PPP1R3A: variants seen among roughly 807,000 people sequenced by gnomAD.
PPP1R3A encodes RG1.
PPP1R3A carries 29 observed loss-of-function variants against 41.7 expected under a neutral mutation model. The observed-to-expected ratio is 0.70, with a 90% CI of 0.52 to 0.95. The LOEUF is 0.95. Among genes scored for constraint, PPP1R3A ranks in the 40% least tolerant of loss-of-function variants. PPP1R3A has a pLI of 0.00. For synonymous variants in PPP1R3A, 485 were observed against 453.4 expected (o/e 1.07, Z -0.89); for missense variants, 1,352 against 1,292.4 (o/e 1.05, Z -0.71).
At position 113,918,593 on chromosome 7, in the gene PPP1R3A, G is replaced by T. The variant is rs1443133963; in HGVS notation, c.404C>A (p.Ser135Tyr). The T allele has an allele frequency of 1.7e-5, 27 of 1,613,394 alleles. No individual in the cohort carries two copies. The highest frequency in any genetic ancestry group is 2.3e-5 in the Non-Finnish European group (27 of 1,179,704). The part of the protein sequence containing the change: ...IQKAILESTE[S>Y]LLGSTSIKGI... ...CTTGATACTTGTAGACCCAAGAAGA[G>T]ACTCAGTTGACTCCAGTATTGCTTT... Residue 135 changes from serine to tyrosine, a missense_variant, in exon 1 of 4, where the codon TCT becomes TAT. Ser to Tyr is a moderately radical substitution (Grantham distance 144). Transcript: ENST00000284601.
Position 113,878,433 on chromosome 7 carries a change from C to G in PPP1R3A, c.2659G>C (p.Glu887Gln). 6.2e-7 allele frequency: 1 copy of G among 1,611,988 alleles called. No individual in the cohort carries two copies. The highest frequency in any genetic ancestry group is 8.5e-7 in the Non-Finnish European group (1 of 1,179,620). Residue 887 changes from glutamate (E) to glutamine (Q), a missense_variant, in exon 4 of 4, where the codon GAA (glutamate) becomes CAA (glutamine). Physicochemically the swap from Glu to Gln is conservative, Grantham distance 29. Transcript: ENST00000284601. The stretch of plus-strand genomic sequence containing the variant: ...TCCGAGTCTGTTTTCTTTGATAATT[C>G]TTGAACCTGCCTAAGATCTCTGTTT... ...SENRDLRQVQ[E>Q]LSKKTDSDAI...
chr7:113,890,986 A>G (rs909644035), intron 1 of PPP1R3A, among the ~76,000 whole-genome samples: 1 of 151,136 alleles, frequency 6.6e-6, no homozygotes, highest in African/African-American at 2.4e-5. Context: ...CAGAAGTCAT[A>G]CCAACCAACT....
At chr7:113,914,328 A>T (rs1797303964) in intron 1 of PPP1R3A, among the ~76,000 whole-genome samples, 1 of 152,088 alleles carries the variant, frequency 6.6e-6, no homozygotes, top group African/African-American at 2.4e-5. Flanking sequence ...ACTTTACTGA[A>T]ATTAATATGC....
Position 113,878,682 on chromosome 7 carries a change from C to A in PPP1R3A, c.2410G>T (p.Glu804Ter). ...ACATTACAAATACCTAAACGTGATTCCTTTTCAAAATCATTGTCATAGATT... is the reference window on the plus strand; with the variant it reads ...ACATTACAAATACCTAAACGTGATTACTTTTCAAAATCATTGTCATAGATT... ...GVIYDNDFEKESRLGICNVRV... is the reference protein window; with the variant it reads ...GVIYDNDFEK Residue 804 changes from glutamate to a stop codon, truncating the protein, a stop_gained, in exon 4 of 4, where the codon GAA (glutamate) becomes TAA (stop). Coordinates refer to ENST00000284601, the MANE Select transcript of PPP1R3A (RefSeq NM_002711.4). LOFTEE classifies it low-confidence loss of function (END_TRUNC). 5 of 1,613,368 alleles carry A rather than the reference C, an allele frequency of 3.1e-6. No homozygotes were observed. The highest frequency in any genetic ancestry group is 1.3e-5 in the African/African-American group (1 of 74,970).
Position 113,880,053 on chromosome 7 carries a change from C to T in PPP1R3A, c.1039G>A (p.Val347Ile), listed in dbSNP as rs752224708. Reference sequence around the variant, plus strand: ...CCCTCTGCTTTATTTGGAAAATTGACTGGATCTGTTGAAAATGTATTCCTT... The same window carrying T: ...CCCTCTGCTTTATTTGGAAAATTGATTGGATCTGTTGAAAATGTATTCCTT... ...DERNTFSTDPVNFPNKAEGLE... is the reference protein window; with the variant it reads ...DERNTFSTDPINFPNKAEGLE... The change falls in exon 4 of 4, where the codon GTC becomes ATC. Residue 347 changes from valine (V) to isoleucine (I), a missense_variant. Coordinates refer to ENST00000284601, the MANE Select transcript of PPP1R3A (RefSeq NM_002711.4). The T allele has an allele frequency of 5.0e-6, 8 of 1,610,544 alleles. No homozygotes were observed. In the African/African-American group the frequency reaches 5.4e-5, roughly 11 times the overall value.
intron 1 of PPP1R3A, among the ~76,000 whole-genome samples, chr7:113,914,178 C>T (rs908459870): frequency 5.3e-5 from 8 of 152,080 alleles, no homozygotes; most frequent in Non-Finnish European, 1.2e-4. Flanking sequence ...GTCTAACATG[C>T]TATATTAAAA....
At chr7:113,893,576 A>C (rs1208609974) in intron 1 of PPP1R3A, among the ~76,000 whole-genome samples, 2 of 152,044 alleles carry the variant, frequency 1.3e-5, no homozygotes, top group Non-Finnish European at 2.9e-5. Context: ...CTATTATATA[A>C]GCTAATTTAT....
chr7:113,883,420 T>C (rs1796727998), intron 1 of PPP1R3A, among the ~76,000 whole-genome samples: 1 of 152,026 alleles, frequency 6.6e-6, no homozygotes, highest in Non-Finnish European at 1.5e-5. Flanking sequence ...TGAAAATTCT[T>C]CCATCCTGAC....
chr7:113,914,236 T>C (rs1797302442), intron 1 of PPP1R3A, among the ~76,000 whole-genome samples: 1 of 152,122 alleles, frequency 6.6e-6, no homozygotes, highest in South Asian at 2.1e-4. Flanking sequence ...CTAGACATCA[T>C]GACCCTTATT....
At chr7:113,910,005 G>C (rs1389816495) in intron 1 of PPP1R3A, among the ~76,000 whole-genome samples, 1 of 152,066 alleles carries the variant, frequency 6.6e-6, no homozygotes, top group Non-Finnish European at 1.5e-5. Flanking sequence ...GGCTGGGGAG[G>C]CCTCACAATC....
Position 113,878,724 on chromosome 7 carries a change from G to C in PPP1R3A, c.2368C>G (p.Arg790Gly). ...TCATAGATTACACCTACTGTATCTC[G>C]TTGACAAAGGGTATAATGTGAATCA... The part of the protein sequence containing the change: ...NDDSHYTLCQ[R>G]DTVGVIYDND... Residue 790 changes from arginine (R) to glycine (G), a missense_variant, in exon 4 of 4, where the codon CGA (arginine) becomes GGA (glycine). Transcript: ENST00000284601. 4 of 1,613,238 alleles carry C rather than the reference G, an allele frequency of 2.5e-6. No individual in the cohort carries two copies. The African/African-American group carries it at 4.0e-5, about 16-fold the overall frequency.
intron 1 of PPP1R3A, among the ~76,000 whole-genome samples, chr7:113,894,923 G>C (rs1211403995): frequency 6.6e-6 from 1 of 151,928 alleles, no homozygotes; most frequent in African/African-American, 2.4e-5. Flanking sequence ...GTATATGTTT[G>C]GAAGAGTTTG....
chr7:113,881,869 C>T (rs551865152), intron 3 of PPP1R3A, among the ~76,000 whole-genome samples, 170 bp downstream of exon 3: 9 of 152,138 alleles, frequency 5.9e-5, no homozygotes, highest in Non-Finnish European at 1.0e-4. Context: ...AAGCAACATA[C>T]AGAAATCAAA....
Position 113,879,991 on chromosome 7 carries a change from A to G in PPP1R3A, c.1101T>C (p.Thr367=), listed in dbSNP as rs1259889300. Residue 367 remains threonine (T), a synonymous_variant, in exon 4 of 4, where the codon ACT becomes ACC. Transcript: ENST00000284601. ...GAGACAGAGACCTTTGGAACAAGTC[A>G]GTACATATTTCACCATGGATTTGCT... is the stretch of plus-strand genomic sequence containing the variant. The part of the protein sequence containing the change: ...EKKQIHGEIC[T]DLFQRSLSPS... 1 of 1,613,048 alleles carries G rather than the reference A, an allele frequency of 6.2e-7. No individual in the cohort carries two copies. The highest frequency in any genetic ancestry group is 1.1e-5 in the South Asian group (1 of 91,064).
At chr7:113,908,384 A>C (rs953880019) in intron 1 of PPP1R3A, among the ~76,000 whole-genome samples, 19 of 151,976 alleles carry the variant, frequency 1.3e-4, no homozygotes, top group African/African-American at 3.9e-4. Context: ...CGGTGCATCA[A>C]GGATGAGTTG....
rs114243399 is a variant in PPP1R3A at position 113,899,212 on chromosome 7, A to G, written c.783-16892T>C. 2.2e-3 allele frequency among the ~76,000 whole-genome samples: 339 copies of G among 151,928 alleles called. 3 individuals are homozygous for G. Among genetic ancestry groups the G allele is most frequent in the African/African-American group, 7.8e-3 (324 of 41,528 alleles). On this transcript the variant is annotated intron_variant, in intron 1 of 3. Coordinates refer to ENST00000284601, the MANE Select transcript of PPP1R3A (RefSeq NM_002711.4). ...TACCAATTCAAGCTGAGTTCAGTTC[A>G]TGATGTACCCCACTTACTTATTGCA...
chr7:113,883,889 G>A (rs1444926870), intron 1 of PPP1R3A, among the ~76,000 whole-genome samples: 8 of 151,780 alleles, frequency 5.3e-5, no homozygotes, highest in Admixed American at 2.0e-4. Context: ...AAAAATGATC[G>A]AGTCAAAAGG....
chr7:113,910,858 A>G (rs1315477180), intron 1 of PPP1R3A, among the ~76,000 whole-genome samples: 3 of 152,156 alleles, frequency 2.0e-5, no homozygotes, highest in Admixed American at 6.6e-5. Context: ...ATGTTTTCAC[A>G]TAATTAGGAA....
chr7:113,883,239 A>G (rs758204244), intron 1 of PPP1R3A, among the ~76,000 whole-genome samples: 71 of 152,036 alleles, frequency 4.7e-4, no homozygotes, highest in Non-Finnish European at 8.7e-4. Flanking sequence ...TACTCTCTCA[A>G]CTGAATTTCC....
Sources: allele counts gnomAD v4.1 joint callset (sites outside exome capture counted in the v4.1 genomes callset), GRCh38; gene constraint gnomAD v4.1.1; transcripts MANE v1.5; gene names NCBI Gene and HGNC (gene_info 2026-07-23, HGNC 2026-07-21).